The following UQCC1 variants were observed in gnomAD, a reference collection of about 807,000 sequenced individuals.
UQCC1 encodes the protein bFGF-repressed Zic-binding protein.
A neutral mutation model predicts 48.0 loss-of-function variants in UQCC1; 38 were observed. That is an observed-to-expected ratio of 0.79 (90% CI 0.61 to 1.04). The LOEUF is 1.04. Ranked by LOEUF, UQCC1 falls within the 50% of genes least tolerant of loss-of-function variation. UQCC1 has a pLI of 0.00. For synonymous variants in UQCC1, 111 were observed against 129.2 expected (o/e 0.86, Z 0.95); for missense variants, 368 against 381.8 (o/e 0.96, Z 0.30).
chr20:35,374,716 G>A (rs768686939), intron 4 of UQCC1, among the ~76,000 whole-genome samples: 2 of 152,102 alleles, frequency 1.3e-5, no homozygotes, highest in Non-Finnish European at 2.9e-5. Flanking sequence ...AATCTCGGGG[G>A]ATGGAGTAAG....
At chr20:35,306,531 T>C (rs2060930324) in intron 9 of UQCC1, 135 bp downstream of exon 9, 6 of 673,654 alleles carry the variant, frequency 8.9e-6, no homozygotes. Flanking sequence ...TTCTTCAGCG[T>C]CTAGTGCTGA....
chr20:35,333,057 A>G (rs939478716), intron 7 of UQCC1, among the ~76,000 whole-genome samples: 9 of 150,926 alleles, frequency 6.0e-5, no homozygotes, highest in Admixed American at 2.0e-4. Flanking sequence ...CCTATTTCCA[A>G]AAAAAAAAGG....
intron 2 of UQCC1, among the ~76,000 whole-genome samples, chr20:35,384,354 A>T (rs1182615428): frequency 6.6e-6 from 1 of 152,166 alleles, no homozygotes; most frequent in Non-Finnish European, 1.5e-5. Context: ...AAATAAAAGA[A>T]TTTGGGCCAG....
In UQCC1 at chr20:35,306,959, C is replaced by A. The variant is rs2060936475; in HGVS notation, c.652-180G>T. The A allele has an allele frequency of 7.7e-6, 5 of 652,176 alleles. No homozygotes were observed. In the South Asian group the frequency reaches 8.1e-5, roughly 11 times the overall value. 40.4% of individuals were successfully genotyped at this position (652,176 alleles called of 1,614,324 possible). A position where few individuals can be genotyped will look rare whatever the true frequency, so the allele number is the denominator to read the frequency against. On this transcript the variant is annotated intron_variant, in intron 8 of 9. Transcript: ENST00000374385. ...GAAGGGGTCTTACAAGGGTATCTGG[C>A]CCAATCCCTTCATTTTATTACATAC...
At chr20:35,348,591 T>C (rs988136536) in intron 6 of UQCC1, among the ~76,000 whole-genome samples, 2 of 152,084 alleles carry the variant, frequency 1.3e-5, no homozygotes, top group Non-Finnish European at 2.9e-5. Context: ...GGGGTTTCAC[T>C]GTGTTAGCCA....
chr20:35,350,412 C>A (rs1020168015), intron 6 of UQCC1, among the ~76,000 whole-genome samples: 3 of 152,134 alleles, frequency 2.0e-5, no homozygotes, highest in African/African-American at 7.2e-5. Context: ...AGGTTGACAA[C>A]ATGACCAGGT....
intron 7 of UQCC1, among the ~76,000 whole-genome samples, chr20:35,319,792 A>G (rs1180721344): frequency 1.3e-5 from 2 of 152,210 alleles, no homozygotes; most frequent in African/African-American, 2.4e-5. Context: ...AAGGAGGAAT[A>G]TTAGCTTTAA....
chr20:35,404,372 A>G (rs1368502447), intron 1 of UQCC1, among the ~76,000 whole-genome samples: 15 of 11,080 alleles, frequency 1.4e-3, no homozygotes, highest in Admixed American at 0.013. Context: ...TCCGTCTCAA[A>G]AAAAAAAAAA....
At chr20:35,346,900 C>G in intron 7 of UQCC1, 1 of 1,260,918 alleles carries the variant, frequency 7.9e-7, no homozygotes. Flanking sequence ...CCTCCTATCA[C>G]CACGATTTGG....
intron 9 of UQCC1, among the ~76,000 whole-genome samples, chr20:35,304,980 ACC>A (rs2060912785): frequency 6.6e-6 from 1 of 151,830 alleles, no homozygotes; most frequent in Non-Finnish European, 1.5e-5. Flanking sequence ...CCCTCTGCCC[ACC>A]TCCTGGGTTG....
chr20:35,311,268 C>A (rs770017844), intron 8 of UQCC1, among the ~76,000 whole-genome samples: 30 of 152,136 alleles, frequency 2.0e-4, no homozygotes, highest in Non-Finnish European at 4.1e-4. Flanking sequence ...GTTCAGGGAG[C>A]AATTTGGACC....
At chr20:35,349,365 A>G (rs556421402) in intron 6 of UQCC1, among the ~76,000 whole-genome samples, 3 of 152,380 alleles carry the variant, frequency 2.0e-5, no homozygotes, top group East Asian at 3.9e-4. Context: ...GTAAAAGTAC[A>G]GCACAGATAA....
At chr20:35,338,892 A>AATATATATATAT (rs1555805505) in intron 7 of UQCC1, among the ~76,000 whole-genome samples, 2 of 30,560 alleles carry the variant, frequency 6.5e-5, no homozygotes, top group Admixed American at 4.4e-4. Context: ...AAAAAAAAAA[A>AATATATATATAT]ATATATATAT....
At chr20:35,312,859 A>G (rs1386225699) in intron 8 of UQCC1, among the ~76,000 whole-genome samples, 1 of 152,202 alleles carries the variant, frequency 6.6e-6, no homozygotes, top group Non-Finnish European at 1.5e-5. Context: ...TCAAATTCAT[A>G]GAGACATAAA....
chr20:35,399,599 T>C (rs2062130441), intron 1 of UQCC1, among the ~76,000 whole-genome samples: 1 of 152,080 alleles, frequency 6.6e-6, no homozygotes, highest in Non-Finnish European at 1.5e-5. Context: ...CTCACATCTG[T>C]AATCCCAGCA....
intron 6 of UQCC1, among the ~76,000 whole-genome samples, chr20:35,350,201 C>T (rs2146396501): frequency 6.6e-6 from 1 of 152,200 alleles, no homozygotes; most frequent in East Asian, 1.9e-4. Context: ...AATCATAGCC[C>T]ACTGTAACTT....
rs1015441310 is a variant in UQCC1 at position 35,302,616 on chromosome 20, T to C, written c.*1319A>G. On this transcript the variant is annotated 3_prime_UTR_variant, in exon 10 of 10. Transcript: ENST00000374385. The stretch of plus-strand genomic sequence containing the variant: ...GTAAAGTTTATTTTGGTGCATGGTA[T>C]ACTTCACTCCATTAAAAATAAATTA... The C allele has an allele frequency of 2.0e-5, 3 of 152,254 alleles. No individual in the cohort carries two copies. Among genetic ancestry groups the C allele is most frequent in the South Asian group, 2.1e-4 (1 of 4,836 alleles). The allele number at this position is 152,254 out of a possible 1,614,324, so 9.4% of individuals were successfully genotyped here. A position where few individuals can be genotyped will look rare whatever the true frequency, so the allele number is the denominator to read the frequency against.
intron 1 of UQCC1, among the ~76,000 whole-genome samples, chr20:35,395,029 C>T (rs919188634): frequency 7.2e-5 from 11 of 152,132 alleles, no homozygotes; most frequent in African/African-American, 1.7e-4. Flanking sequence ...CAAATGGAAG[C>T]GATGCAAAAG....
chr20:35,305,153 G>T (rs1192649254), intron 9 of UQCC1, among the ~76,000 whole-genome samples: 2 of 152,236 alleles, frequency 1.3e-5, no homozygotes, highest in South Asian at 2.1e-4. Flanking sequence ...GTGTGCCTGG[G>T]CTTCCTCACC....
Sources: gnomAD v4.1 joint callset for allele counts (sites outside exome capture counted in the v4.1 genomes callset) on GRCh38, gnomAD v4.1.1 for gene constraint, MANE v1.5 for transcripts, NCBI Gene and HGNC (gene_info 2026-07-23, HGNC 2026-07-21) for gene names.